GAS2L3: variants seen among roughly 807,000 people sequenced by gnomAD.
The protein encoded by GAS2L3 is growth arrest specific 2 like 3.
A neutral mutation model predicts 37.0 loss-of-function variants in GAS2L3; 28 were observed. The observed-to-expected ratio is 0.76, with a 90% CI of 0.56 to 1.04. GAS2L3 has a LOEUF of 1.04. Among genes scored for constraint, GAS2L3 ranks in the 50% least tolerant of loss-of-function variants. The probability of loss-of-function intolerance (pLI) is 0.00; values close to 1 mark genes in which losing one functional copy is unlikely to be tolerated. For synonymous variants in GAS2L3, 290 were observed against 296.6 expected, an observed-to-expected ratio of 0.98 and a Z score of 0.23; for missense variants, 793 against 817.6, an observed-to-expected ratio of 0.97 and a Z score of 0.37.
At chr12:100,583,038 C>G (rs758591163) in intron 1 of GAS2L3, among the ~76,000 whole-genome samples, 3 of 152,188 alleles carry the variant, frequency 2.0e-5, no homozygotes, top group Non-Finnish European at 4.4e-5. Context: ...TCTTGTTTTT[C>G]TTTACCCCCA....
chr12:100,597,199 G>T (rs1337902186), intron 3 of GAS2L3, among the ~76,000 whole-genome samples: 1 of 151,712 alleles, frequency 6.6e-6, no homozygotes, highest in East Asian at 1.9e-4. Context: ...ATTTACATCT[G>T]CTCTGCTTTT....
chr12:100,599,936 TC>T (rs1467297269), intron 3 of GAS2L3, among the ~76,000 whole-genome samples: 6 of 152,242 alleles, frequency 3.9e-5, no homozygotes, highest in Non-Finnish European at 4.4e-5. Context: ...ATTGAAAATG[TC>T]TTGGCTGGGC....
chr12:100,587,104 A>G (rs538818261), intron 1 of GAS2L3, among the ~76,000 whole-genome samples: 5 of 152,298 alleles, frequency 3.3e-5, no homozygotes, highest in African/African-American at 1.2e-4. Flanking sequence ...AACAAAAAAG[A>G]AGTCCAGGAC....
At position 100,600,568 on chromosome 12, in the gene GAS2L3, A is replaced by G. The variant is rs768796285; in HGVS notation, c.187+18A>G. On this transcript the variant is annotated intron_variant, in intron 4 of 9. Coordinates refer to ENST00000547754, the MANE Select transcript of GAS2L3 (RefSeq NM_174942.3). ...TTTATTAGGTGAGGCTTGAAACAAT[A>G]CCCAAAATTGTATTATCTTATTCAA... The G allele has an allele frequency of 1.3e-6, 2 of 1,593,904 alleles. No homozygotes were observed. Among genetic ancestry groups the G allele is most frequent in the Non-Finnish European group, 1.7e-6 (2 of 1,162,906 alleles).
intron 5 of GAS2L3, among the ~76,000 whole-genome samples, chr12:100,608,257 G>A (rs937523383): frequency 6.6e-6 from 1 of 152,006 alleles, no homozygotes; most frequent in Admixed American, 6.6e-5. Flanking sequence ...TTTGTGCTGG[G>A]CCTCCTGGAT....
intron 6 of GAS2L3, 82 bp from the exon 7 acceptor site, chr12:100,617,662 A>C: frequency 1.2e-6 from 1 of 855,208 alleles, no homozygotes. Context: ...ATTCTTTTTT[A>C]TTTAACTCTC....
At chr12:100,578,843 A>C in intron 1 of GAS2L3, 2 of 714,372 alleles carry the variant, frequency 2.8e-6, no homozygotes, top group Non-Finnish European at 5.2e-6. Context: ...CCATACCCAT[A>C]ATATATGTAT....
At chr12:100,588,785 T>G (rs1165284472) in intron 1 of GAS2L3, among the ~76,000 whole-genome samples, 2 of 152,168 alleles carry the variant, frequency 1.3e-5, no homozygotes, top group African/African-American at 2.4e-5. Flanking sequence ...AATATTAATA[T>G]TCCTTGCTAG....
At position 100,591,258 on chromosome 12, in the gene GAS2L3, G is replaced by A. The variant is rs558412189; in HGVS notation, c.-151-478G>A. Among the ~76,000 whole-genome samples, 10 of 152,138 alleles carry A rather than the reference G, an allele frequency of 6.6e-5. 1 individual carries two copies. The highest frequency in any genetic ancestry group is 1.9e-4 in the East Asian group (1 of 5,176). ...AAAGGAGGTGAATAAATAAATAAGC[G>A]TATACCACATGAAAAAAGATCACAG... On this transcript the variant is annotated intron_variant, in intron 1 of 9. Coordinates refer to ENST00000547754, the MANE Select transcript of GAS2L3 (RefSeq NM_174942.3).
At chr12:100,606,016 G>A (rs1956052104) in intron 5 of GAS2L3, among the ~76,000 whole-genome samples, 1 of 151,944 alleles carries the variant, frequency 6.6e-6, no homozygotes, top group South Asian at 2.1e-4. Context: ...TTGTTCTATA[G>A]TGAAGATTAA....
chr12:100,606,492 G>T (rs543317796), intron 5 of GAS2L3, among the ~76,000 whole-genome samples: 22 of 152,094 alleles, frequency 1.4e-4, no homozygotes, highest in South Asian at 8.3e-4. Context: ...TTTACATTCA[G>T]TGTTATAATT....
At chr12:100,597,216 C>T (rs894834926) in intron 3 of GAS2L3, among the ~76,000 whole-genome samples, 3 of 151,894 alleles carry the variant, frequency 2.0e-5, no homozygotes, top group Admixed American at 6.6e-5. Flanking sequence ...TTTTTTTCAG[C>T]TCAACCAGAT....
intron 1 of GAS2L3, among the ~76,000 whole-genome samples, chr12:100,587,790 C>T (rs909325080): frequency 7.2e-5 from 11 of 152,268 alleles, no homozygotes; most frequent in African/African-American, 1.9e-4. Context: ...CGGTGGCTCA[C>T]GCCTGTAATC....
chr12:100,618,418 T>G lies in GAS2L3; in HGVS notation c.510-31T>G, dbSNP rs755521695. The G allele has an allele frequency of 6.3e-6, 10 of 1,580,878 alleles. No homozygotes were observed. In the South Asian group the frequency reaches 1.1e-4, roughly 17 times the overall value. ...AGGCAAGTACTGGGTCAACTTTGCT[T>G]GAATGATCAGATCTCCTGGTTGGTT... On this transcript the variant is annotated intron_variant, in intron 7 of 9. Transcript: ENST00000547754.
chr12:100,614,880 C>T (rs868804503), intron 6 of GAS2L3, among the ~76,000 whole-genome samples: 3 of 152,242 alleles, frequency 2.0e-5, no homozygotes, highest in Non-Finnish European at 2.9e-5. Flanking sequence ...AATATTCCAT[C>T]GTATAGATAT....
At chr12:100,605,404 C>T (rs1286949292) in intron 5 of GAS2L3, among the ~76,000 whole-genome samples, 1 of 151,836 alleles carries the variant, frequency 6.6e-6, no homozygotes, top group East Asian at 1.9e-4. Flanking sequence ...CTTAGTCTGA[C>T]TTAAGGTCTG....
Position 100,623,557 on chromosome 12 carries a change from G to C in GAS2L3, c.757-5G>C. The stretch of plus-strand genomic sequence containing the variant: ...GCTTTACTTTTTGTTTTCCTTTGGG[G>C]GCAGATGCTTCATGGAAAACATGTC... On this transcript the variant is annotated splice_region_variant and splice_polypyrimidine_tract_variant and intron_variant, in intron 9 of 9. Coordinates refer to ENST00000547754, the MANE Select transcript of GAS2L3 (RefSeq NM_174942.3). 6.3e-7 allele frequency: 1 copy of C among 1,588,788 alleles called. No individual in the cohort carries two copies. Among genetic ancestry groups the C allele is most frequent in the Non-Finnish European group, 8.6e-7 (1 of 1,169,324 alleles).
rs1246892143 is a variant in GAS2L3 at position 100,618,505 on chromosome 12, A to G, written c.566A>G (p.Glu189Gly). 1.9e-6 allele frequency: 3 copies of G among 1,612,358 alleles called. No individual in the cohort carries two copies. Among genetic ancestry groups the G allele is most frequent in the Non-Finnish European group, 2.5e-6 (3 of 1,179,226 alleles). The change falls in exon 8 of 10, where the codon GAG becomes GGG. Residue 189 changes from glutamate (E) to glycine (G), a missense_variant. Physicochemically the swap from Glu to Gly is moderately conservative, Grantham distance 98. Transcript: ENST00000547754. Reference sequence around the variant, plus strand: ...CTTGAGAAAGAAATTGAGTTAGAAGAGACTTTGCTTAATACTTCTGGGCCT... The same window carrying G: ...CTTGAGAAAGAAATTGAGTTAGAAGGGACTTTGCTTAATACTTCTGGGCCT... ...VKLEKEIELE[E>G]TLLNTSGPED...
At chr12:100,579,619 A>G in intron 1 of GAS2L3, 1 of 775,920 alleles carries the variant, frequency 1.3e-6, no homozygotes, top group South Asian at 1.4e-5. Context: ...TTAGAACACA[A>G]GAATGTTAGA....
Sources: allele counts gnomAD v4.1 joint callset (sites outside exome capture counted in the v4.1 genomes callset), GRCh38; gene constraint gnomAD v4.1.1; transcripts MANE v1.5; gene names NCBI Gene and HGNC (gene_info 2026-07-23, HGNC 2026-07-21).